ZNF683: variants seen among roughly 807,000 people sequenced by gnomAD.
ZNF683 encodes zinc finger protein 683.
In ZNF683, 20 loss-of-function variants were observed where a neutral mutation model predicts 31.4. The observed-to-expected ratio is 0.64, with a 90% CI of 0.45 to 0.93. ZNF683 has a LOEUF of 0.93. Ranked by LOEUF, ZNF683 falls within the 40% of genes least tolerant of loss-of-function variation. ZNF683 has a pLI of 0.00. For missense variants in ZNF683, 621 were observed against 637.2 expected (o/e 0.97, Z 0.27); for synonymous variants, 264 against 267.6 (o/e 0.99, Z 0.13).
intron 5 of ZNF683, 95 bp downstream of exon 5, chr1:26,362,931 G>A: frequency 6.8e-7 from 1 of 1,467,362 alleles, no homozygotes. Flanking sequence ...TGCTCAGGAG[G>A]ACTGGGGAAT....
upstream of ZNF683, chr1:26,374,300 G>A (rs774773613): frequency 3.8e-6 from 5 of 1,303,946 alleles, no homozygotes; most frequent in Non-Finnish European, 5.1e-6. Context: ...TCTGCCAGCT[G>A]TGCTCCCTCC....
intron 3 of ZNF683, among the ~76,000 whole-genome samples, chr1:26,366,342 C>CAAAAAAAAAAAAAAAAAA (rs1173737722): frequency 1.3e-4 from 9 of 68,980 alleles, no homozygotes; most frequent in African/African-American, 3.8e-4. Context: ...CAGCCTATCT[C>CAAAAAAAAAAAAAAAAAA]AAAAAAAAAA....
upstream of ZNF683, chr1:26,373,238 A>T (rs1231264944): frequency 6.6e-6 from 1 of 152,344 alleles, no homozygotes; most frequent in Non-Finnish European, 1.5e-5. Flanking sequence ...AAATACAAAA[A>T]TTAGCCAAGT....
At chr1:26,371,210 C>T (rs921722786) in intron 1 of ZNF683, among the ~76,000 whole-genome samples, 3 of 152,184 alleles carry the variant, frequency 2.0e-5, no homozygotes, top group Admixed American at 1.3e-4. Flanking sequence ...CACAGAGATA[C>T]AGCAAACACG....
chr1:26,374,186 A>G, upstream of ZNF683: 1 of 1,268,260 alleles, frequency 7.9e-7, no homozygotes, highest in Non-Finnish European at 1.0e-6. Flanking sequence ...CCAGGCCACA[A>G]GCCCGCCTCC....
chr1:26,366,342 C>CAAAAAAA (rs1173737722), intron 3 of ZNF683, among the ~76,000 whole-genome samples: 97 of 68,984 alleles, frequency 1.4e-3, no homozygotes, highest in African/African-American at 4.3e-3. Flanking sequence ...CAGCCTATCT[C>CAAAAAAA]AAAAAAAAAA....
upstream of ZNF683, among the ~76,000 whole-genome samples, chr1:26,373,085 C>T (rs1557746519): frequency 6.6e-6 from 1 of 152,210 alleles, no homozygotes; most frequent in Non-Finnish European, 1.5e-5. Context: ...AGTAGACTAG[C>T]AGATCAGAAG....
chr1:26,366,669 T>C (rs192235803), intron 3 of ZNF683, among the ~76,000 whole-genome samples: 259 of 152,172 alleles, frequency 1.7e-3, no homozygotes, highest in Admixed American at 3.5e-3. Flanking sequence ...CCAGTGCTTT[T>C]TTTTTGAGAT....
chr1:26,372,916 G>A (rs986950507), upstream of ZNF683: 4 of 976,438 alleles, frequency 4.1e-6, no homozygotes, highest in African/African-American at 6.9e-5. Context: ...ACCTGAGGGA[G>A]TCTGTCTTAG....
Position 26,363,145 on chromosome 1 carries a change from G to A in ZNF683, c.1024C>T (p.Arg342Cys), listed in dbSNP as rs780459912. Residue 342 changes from arginine to cysteine, a missense_variant, in exon 5 of 6, where the codon CGT (arginine) becomes TGT (cysteine). Coordinates refer to ENST00000349618, the MANE Select transcript of ZNF683 (RefSeq NM_001114759.3). ...AATGGACGCTCTCCACTGTGCACAC[G>A]CAGGTGGACCTGAGTCAGATGCGGG... ...GQLSNLKVHL[R>C]VHSGERPFQC... The A allele has an allele frequency of 1.2e-5, 20 of 1,608,082 alleles. No individual in the cohort carries two copies. The highest frequency in any genetic ancestry group is 1.6e-4 in the Middle Eastern group (1 of 6,074).
In ZNF683 at chr1:26,363,059, C is replaced by A. The variant is rs1317871934; in HGVS notation, c.1110G>T (p.Leu370=). The change falls in exon 5 of 6, where the codon CTG becomes CTT. Residue 370 remains leucine (L), a synonymous_variant. Coordinates refer to ENST00000349618, the MANE Select transcript of ZNF683 (RefSeq NM_001114759.3). Reference sequence around the variant, plus strand: ...TGTGGGGCCGCTCCCCAGTGTGCACCAGGTGGTGCTTCTGCAGGTGGGCAA... The same window carrying A: ...TGTGGGGCCGCTCCCCAGTGTGCACAAGGTGGTGCTTCTGCAGGTGGGCAA... The part of the protein sequence containing the change: ...TQLAHLQKHH[L]VHTGERPHKC... 6.2e-7 allele frequency: 1 copy of A among 1,612,320 alleles called. No individual in the cohort carries two copies. The highest frequency in any genetic ancestry group is 8.5e-7 in the Non-Finnish European group (1 of 1,179,212).
intron 2 of ZNF683, 65 bp downstream of exon 2, chr1:26,368,393 C>G: frequency 6.8e-7 from 1 of 1,470,364 alleles, no homozygotes; most frequent in Admixed American, 2.6e-5. Flanking sequence ...CCCCTTTTTC[C>G]TCCTAATGTC....
Position 26,364,925 on chromosome 1 carries a change from G to A in ZNF683, c.621C>T (p.Thr207=). The A allele has an allele frequency of 6.4e-7, 1 of 1,551,126 alleles. No individual in the cohort carries two copies. ...PLLLPPPHLF[T]YGALPSDQCP... is the part of the protein sequence containing the mutation. ...ATTGGTCAGAAGGTAGGGCCCCATA[G>A]GTGAACAGGTGGGGTGGAGGCAGGA... The change falls in exon 4 of 6, where the codon ACC becomes ACT. Residue 207 remains threonine, a synonymous_variant. Transcript: ENST00000349618.
chr1:26,372,372 A>G lies in ZNF683; in HGVS notation c.-15+297T>C. On this transcript the variant is annotated intron_variant, in intron 1 of 5. Transcript: ENST00000349618. ...TTTTTTTGGACGCCCAGCCTCTGAAACTTTTCCCCTACATGAGTCTTGAGG... is the reference window on the plus strand; with the variant it reads ...TTTTTTTGGACGCCCAGCCTCTGAAGCTTTTCCCCTACATGAGTCTTGAGG... The G allele has an allele frequency of 4.6e-6, 4 of 863,476 alleles. No homozygotes were observed. The South Asian group carries it at 6.4e-5, about 14-fold the overall frequency. The allele number at this position is 863,476 out of a possible 1,614,324, so 53.5% of individuals were successfully genotyped here.
upstream of ZNF683, among the ~76,000 whole-genome samples, chr1:26,372,958 G>A (rs907448703): frequency 1.3e-5 from 2 of 151,902 alleles, no homozygotes; most frequent in Admixed American, 6.6e-5. Context: ...TTGCCAAGCC[G>A]AGTCTTGTGA....
chr1:26,364,924 A>G lies in ZNF683; in HGVS notation c.622T>C (p.Tyr208His). ...LLLPPPHLFT[Y>H]GALPSDQCPH... ...CATTGGTCAGAAGGTAGGGCCCCAT[A>G]GGTGAACAGGTGGGGTGGAGGCAGG... is the stretch of plus-strand genomic sequence containing the variant. Residue 208 changes from tyrosine to histidine, a missense_variant, in exon 4 of 6, where the codon TAT becomes CAT. Tyr to His is a moderately conservative substitution (Grantham distance 83). Coordinates refer to ENST00000349618, the MANE Select transcript of ZNF683 (RefSeq NM_001114759.3). The G allele has an allele frequency of 6.4e-7, 1 of 1,550,582 alleles. No homozygotes were observed. The highest frequency in any genetic ancestry group is 1.3e-5 in the South Asian group (1 of 79,062).
At chr1:26,374,217 C>A, upstream of ZNF683, 2 of 1,300,466 alleles carry the variant, frequency 1.5e-6, no homozygotes, top group Non-Finnish European at 2.0e-6. Context: ...TGCTGGGAAT[C>A]ACAGGGAAGT....
Position 26,367,617 on chromosome 1 carries a change from G to A in ZNF683, c.295C>T (p.Leu99Phe), listed in dbSNP as rs761228816. 16 of 1,609,114 alleles carry A rather than the reference G, an allele frequency of 9.9e-6. No homozygotes were observed. Among genetic ancestry groups the A allele is most frequent in the Non-Finnish European group, 1.4e-5 (16 of 1,178,316 alleles). Residue 99 changes from leucine to phenylalanine, a missense_variant, in exon 3 of 6, where the codon CTC (leucine) becomes TTC (phenylalanine). Transcript: ENST00000349618. ...PAPLGTDLQG[L>F]QEDALSMKHE... ...CTCATGCTCAAGGCGTCCTCTTGGA[G>A]GCCCTGCAGGTCTGTGCCCAGGGGT...
chr1:26,372,716 AG>A lies in ZNF683; in HGVS notation c.-63del, dbSNP rs1479557957. On this transcript the variant is annotated 5_prime_UTR_variant, in exon 1 of 6. It removes the in-frame stop codon of an upstream open reading frame in the 5' UTR. Coordinates refer to ENST00000349618, the MANE Select transcript of ZNF683 (RefSeq NM_001114759.3). Reference sequence around the variant, plus strand: ...TGGCTTGGGTCTCTGGTCTGGGTCAAGGCATCTGCTCAGGTTCCTCAGTTAG... The same window carrying A: ...TGGCTTGGGTCTCTGGTCTGGGTCAAGCATCTGCTCAGGTTCCTCAGTTAG... The A allele has an allele frequency of 8.7e-6, 11 of 1,257,164 alleles. No homozygotes were observed. In the African/African-American group the frequency reaches 1.1e-4, roughly 12 times the overall value. The allele number at this position is 1,257,164 out of a possible 1,614,324, so 77.9% of individuals were successfully genotyped here.
Sources: allele counts gnomAD v4.1 joint callset (sites outside exome capture counted in the v4.1 genomes callset), GRCh38; gene constraint gnomAD v4.1.1; transcripts MANE v1.5; gene names NCBI Gene and HGNC (gene_info 2026-07-23, HGNC 2026-07-21).